Variants in PTPN2 observed in about 807,000 individuals in gnomAD.
The protein encoded by PTPN2 is protein tyrosine phosphatase non-receptor type 2.
A neutral mutation model predicts 57.3 loss-of-function variants in PTPN2; 19 were observed. The observed-to-expected ratio is 0.33, with a 90% confidence interval of 0.23 to 0.49. PTPN2 has a LOEUF of 0.49. PTPN2 is among the 20% of genes least tolerant of loss of function. The pLI is 0.99. For missense variants in PTPN2, 358 were observed against 501.1 expected, an observed-to-expected ratio of 0.71 and a Z score of 2.73; for synonymous variants, 153 against 164.9, an observed-to-expected ratio of 0.93 and a Z score of 0.55.
chr18:12,866,140 G>A (rs1381876637), intron 1 of PTPN2, among the ~76,000 whole-genome samples: 1 of 152,110 alleles, frequency 6.6e-6, no homozygotes, highest in African/African-American at 2.4e-5. Flanking sequence ...AAAACATTAT[G>A]CTAAGTTAAA....
downstream of PTPN2, chr18:12,787,209 T>A (rs886235173): frequency 1.3e-5 from 2 of 152,198 alleles, no homozygotes; most frequent in African/African-American, 2.4e-5. Context: ...TAAGAGTGGT[T>A]GTCTATTACT....
chr18:12,863,099 C>G (rs1170918515), intron 1 of PTPN2: 1 of 152,158 alleles, frequency 6.6e-6, no homozygotes, highest in East Asian at 1.9e-4. Context: ...CTAGGTCTAT[C>G]ACATAAGGCA....
At chr18:12,807,399 T>TA (rs1216372121) in intron 7 of PTPN2, among the ~76,000 whole-genome samples, 3 of 151,242 alleles carry the variant, frequency 2.0e-5, no homozygotes, top group Non-Finnish European at 4.4e-5. Context: ...AAAATAGAAC[T>TA]ATCATATGAT....
chr18:12,844,937 G>T (rs2043165219), intron 2 of PTPN2, among the ~76,000 whole-genome samples: 1 of 151,910 alleles, frequency 6.6e-6, no homozygotes, highest in Non-Finnish European at 1.5e-5. Context: ...ATTTTAAATT[G>T]CTTTGCACCT....
At chr18:12,870,323 A>ACG (rs2044164664) in intron 1 of PTPN2, among the ~76,000 whole-genome samples, 1 of 72,274 alleles carries the variant, frequency 1.4e-5, no homozygotes, top group African/African-American at 8.3e-5. Flanking sequence ...ATATATGTGT[A>ACG]TATATATGTA....
intron 6 of PTPN2, among the ~76,000 whole-genome samples, chr18:12,815,016 G>A (rs1264942725): frequency 2.6e-5 from 4 of 151,764 alleles, no homozygotes; most frequent in Non-Finnish European, 4.4e-5. Flanking sequence ...CCCAGGAGGC[G>A]GCGGTTGCAG....
At chr18:12,874,597 C>T (rs2044417203) in intron 1 of PTPN2, among the ~76,000 whole-genome samples, 2 of 135,636 alleles carry the variant, frequency 1.5e-5, no homozygotes, top group African/African-American at 2.9e-5. Context: ...GGGGTTCAGC[C>T]CCCCGCCCGG....
chr18:12,809,369 C>A (rs1273990272), intron 7 of PTPN2, among the ~76,000 whole-genome samples: 1 of 152,164 alleles, frequency 6.6e-6, no homozygotes, highest in African/African-American at 2.4e-5. Flanking sequence ...TGTATCTGGG[C>A]CCCTGCAGAT....
chr18:12,883,435 C>T (rs1447513351), intron 1 of PTPN2, among the ~76,000 whole-genome samples: 1 of 152,154 alleles, frequency 6.6e-6, no homozygotes, highest in Non-Finnish European at 1.5e-5. Context: ...CCACGAGCCA[C>T]CCCCAACCAC....
chr18:12,841,932 G>C (rs1249686628), intron 2 of PTPN2, among the ~76,000 whole-genome samples: 1 of 146,016 alleles, frequency 6.8e-6, no homozygotes, highest in Admixed American at 6.8e-5. Flanking sequence ...TTGAGATGGA[G>C]TTTCGCTCTT....
intron 5 of PTPN2, 91 bp from the exon 6 acceptor site, chr18:12,817,456 T>TA (rs1449667807): frequency 1.1e-6 from 1 of 932,044 alleles, no homozygotes; most frequent in Non-Finnish European, 1.6e-6. Flanking sequence ...TATAATTCTT[T>TA]AAAGCCATAT....
Position 12,859,180 on chromosome 18 carries a change from G to A in PTPN2, c.144C>T (p.Tyr48=), listed in dbSNP as rs754060650. The change falls in exon 2 of 9, where the codon TAC becomes TAT. Residue 48 remains tyrosine (Y), a synonymous_variant. Transcript: ENST00000309660. ...KFPENRNRNR[Y]RDVSPYDHSR... ...AGTACTTACATGGGCTTACATCTCT[G>A]TATCTGTTTCGATTTCTGTTTTCTG... The A allele has an allele frequency of 1.7e-5, 28 of 1,612,590 alleles. No homozygotes were observed. Among genetic ancestry groups the A allele is most frequent in the East Asian group, 1.1e-4 (5 of 44,856 alleles).
At chr18:12,805,240 T>C (rs1367499842) in intron 7 of PTPN2, among the ~76,000 whole-genome samples, 3 of 152,088 alleles carry the variant, frequency 2.0e-5, no homozygotes, top group African/African-American at 7.2e-5. Flanking sequence ...GTGAATCACT[T>C]GAGGTCAGGC....
chr18:12,831,200 A>C (rs1436209672), intron 3 of PTPN2, among the ~76,000 whole-genome samples, 159 bp from the exon 4 acceptor site: 1 of 152,230 alleles, frequency 6.6e-6, no homozygotes, highest in East Asian at 1.9e-4. Flanking sequence ...GATTTCAAAA[A>C]CAGGTCTGTG....
rs775233742 is a variant in PTPN2 at position 12,792,209 on chromosome 18, A to T, written c.*2069T>A. On this transcript the variant is annotated 3_prime_UTR_variant, in exon 9 of 9. Coordinates refer to ENST00000309660, the MANE Select transcript of PTPN2 (RefSeq NM_002828.4). ...ACCTACATCCTGCTTTCATACTTTC[A>T]ACATAATTTAACACATTCAAGGAGA... 3 of 941,496 alleles carry T rather than the reference A, an allele frequency of 3.2e-6. No individual in the cohort carries two copies. Among genetic ancestry groups the T allele is most frequent in the Non-Finnish European group, 3.8e-6 (3 of 789,226 alleles). 58.3% of individuals were successfully genotyped at this position (941,496 alleles called of 1,614,324 possible). A position where few individuals can be genotyped will look rare whatever the true frequency, so the allele number is the denominator to read the frequency against.
intron 2 of PTPN2, among the ~76,000 whole-genome samples, chr18:12,852,673 A>G (rs2043439729): frequency 6.6e-6 from 1 of 152,124 alleles, no homozygotes; most frequent in Non-Finnish European, 1.5e-5. Context: ...GAGCTGCTGC[A>G]CCCAGCCCAA....
At chr18:12,840,954 C>T (rs893672248) in intron 2 of PTPN2, 28 of 1,469,006 alleles carry the variant, frequency 1.9e-5, no homozygotes, top group Non-Finnish European at 2.4e-5. Context: ...CTGTTCCCTG[C>T]ATTGAATACT....
chr18:12,834,244 T>C (rs1439948234), intron 3 of PTPN2, among the ~76,000 whole-genome samples: 1 of 151,664 alleles, frequency 6.6e-6, no homozygotes, highest in African/African-American at 2.4e-5. Flanking sequence ...CGAGAATCAC[T>C]TGAACCCGGG....
intron 2 of PTPN2, among the ~76,000 whole-genome samples, chr18:12,845,035 CA>C (rs1487762562): frequency 1.3e-5 from 2 of 152,192 alleles, no homozygotes; most frequent in East Asian, 3.8e-4. Flanking sequence ...CTGCCACTAC[CA>C]CACTGTTTTG....
Sources: allele counts gnomAD v4.1 joint callset (sites outside exome capture counted in the v4.1 genomes callset), GRCh38; gene constraint gnomAD v4.1.1; transcripts MANE v1.5; gene names NCBI Gene and HGNC (gene_info 2026-07-23, HGNC 2026-07-21).